The following SCFD2 variants were observed in gnomAD, a reference collection of about 807,000 sequenced individuals.
SCFD2 encodes sec1 family domain containing 2, also known as sec1 family domain-containing protein 2.
In SCFD2, 54 loss-of-function variants were observed where a neutral mutation model predicts 58.9. The observed-to-expected ratio is 0.92, with a 90% CI of 0.74 to 1.15. The LOEUF (loss-of-function observed/expected upper bound fraction) is 1.15, where lower values mean the gene tolerates loss of function less well. Among genes scored for constraint, SCFD2 ranks in the 50% most tolerant of loss-of-function variants. The pLI, the probability that SCFD2 is intolerant of heterozygous loss-of-function variation, is 0.00. For synonymous variants in SCFD2, 321 were observed against 335.9 expected, an observed-to-expected ratio of 0.96 and a Z score of 0.49; for missense variants, 805 against 836.6, an observed-to-expected ratio of 0.96 and a Z score of 0.47.
intron 5 of SCFD2, among the ~76,000 whole-genome samples, chr4:53,117,471 TC>T (rs1725356422): frequency 6.6e-6 from 1 of 152,122 alleles, no homozygotes; most frequent in Admixed American, 6.5e-5. Flanking sequence ...GTACAGGTGA[TC>T]AACACTATCT....
chr4:53,101,969 G>C (rs940779141), intron 5 of SCFD2, among the ~76,000 whole-genome samples: 1 of 152,132 alleles, frequency 6.6e-6, no homozygotes, highest in African/African-American at 2.4e-5. Flanking sequence ...TGAAAAGAAA[G>C]AGTTGTGAGG....
chr4:52,916,900 T>G (rs1303769342), intron 6 of SCFD2, among the ~76,000 whole-genome samples: 1 of 152,148 alleles, frequency 6.6e-6, no homozygotes, highest in African/African-American at 2.4e-5. Context: ...TCTAAGAAGT[T>G]TTTTGTTTTT....
At chr4:53,259,644 C>T (rs369987472) in intron 4 of SCFD2, among the ~76,000 whole-genome samples, 1 of 152,092 alleles carries the variant, frequency 6.6e-6, no homozygotes, top group Non-Finnish European at 1.5e-5. Flanking sequence ...AGTTTGAATT[C>T]GGGTAATGTG....
chr4:53,335,306 A>G (rs1733648505), intron 2 of SCFD2, among the ~76,000 whole-genome samples: 1 of 152,100 alleles, frequency 6.6e-6, no homozygotes, highest in South Asian at 2.1e-4. Context: ...GTGAGGAAAC[A>G]TTAAACAAAC....
chr4:53,133,327 C>CAAA (rs34787254), intron 5 of SCFD2, among the ~76,000 whole-genome samples: 145 of 83,182 alleles, frequency 1.7e-3, no homozygotes, highest in African/African-American at 6.1e-3. Context: ...GACTCCGTCT[C>CAAA]AAAAAAAAAA....
chr4:53,074,968 C>G lies in SCFD2; in HGVS notation c.1561+70365G>C, dbSNP rs142203282. Among the ~76,000 whole-genome samples the G allele has an allele frequency of 9.8e-5, 15 of 152,290 alleles. No individual in the cohort carries two copies. The East Asian group carries it at 1.9e-3, about 20-fold the overall frequency. Reference sequence around the variant, plus strand: ...CATCCTGTCCTTAAAAGCTTTGAGGCCAGGCATTGGTTTCTCTCTACCTAT... The same window carrying G: ...CATCCTGTCCTTAAAAGCTTTGAGGGCAGGCATTGGTTTCTCTCTACCTAT... On this transcript the variant is annotated intron_variant, in intron 5 of 8. Transcript: ENST00000401642.
chr4:53,246,707 T>C (rs753652962), intron 4 of SCFD2, among the ~76,000 whole-genome samples: 1 of 152,180 alleles, frequency 6.6e-6, no homozygotes, highest in Non-Finnish European at 1.5e-5. Flanking sequence ...GATTAAGGAC[T>C]TAATTAATTG....
chr4:53,217,813 C>G (rs1462063578), intron 4 of SCFD2, among the ~76,000 whole-genome samples: 6 of 152,148 alleles, frequency 3.9e-5, no homozygotes, highest in Non-Finnish European at 7.3e-5. Context: ...GTGCTTCCTT[C>G]AGGAGCTCTT....
intron 3 of SCFD2, among the ~76,000 whole-genome samples, chr4:53,301,697 C>G (rs924326568): frequency 1.1e-4 from 17 of 152,278 alleles, no homozygotes; most frequent in African/African-American, 3.4e-4. Flanking sequence ...ATGCAAAAAT[C>G]CTCAATAAAA....
chr4:52,967,296 C>A (rs1577866251), intron 5 of SCFD2, among the ~76,000 whole-genome samples: 1 of 152,276 alleles, frequency 6.6e-6, no homozygotes, highest in South Asian at 2.1e-4. Flanking sequence ...CCCCAGCTTG[C>A]CTCTAGTTCT....
At chr4:53,158,630 C>A (rs1726765756) in intron 4 of SCFD2, among the ~76,000 whole-genome samples, 1 of 152,184 alleles carries the variant, frequency 6.6e-6, no homozygotes, top group African/African-American at 2.4e-5. Flanking sequence ...TTACCATCAT[C>A]TCTAGCCACA....
chr4:53,032,883 A>G (rs114754618), intron 5 of SCFD2, among the ~76,000 whole-genome samples: 2 of 152,040 alleles, frequency 1.3e-5, no homozygotes, highest in African/African-American at 2.4e-5. Flanking sequence ...ACTTTAACAA[A>G]CCCTTGTCAA....
chr4:53,181,457 C>T (rs962427555), intron 4 of SCFD2, among the ~76,000 whole-genome samples: 2 of 152,104 alleles, frequency 1.3e-5, no homozygotes, highest in Non-Finnish European at 2.9e-5. Flanking sequence ...ATTCAACAAC[C>T]CTTCAGGCTA....
intron 4 of SCFD2, among the ~76,000 whole-genome samples, chr4:53,229,157 G>T (rs566364078): frequency 1.5e-4 from 23 of 152,284 alleles, no homozygotes; most frequent in African/African-American, 3.4e-4. Context: ...CATGCTCATG[G>T]CTAGGAAGAA....
chr4:53,068,031 C>T (rs183556099), intron 5 of SCFD2, among the ~76,000 whole-genome samples: 1 of 152,238 alleles, frequency 6.6e-6, no homozygotes, highest in Admixed American at 6.6e-5. Context: ...ACAGAATCAT[C>T]TTGCTTATAA....
In SCFD2 at chr4:53,273,715, C is replaced by T. The variant is rs551336556; in HGVS notation, c.1311+111G>A. ...GGCACTTAGAGAATATGAAGCAGGGCACATGTCAACAATATGATTTATTAC... is the reference window on the plus strand; with the variant it reads ...GGCACTTAGAGAATATGAAGCAGGGTACATGTCAACAATATGATTTATTAC... On this transcript the variant is annotated intron_variant, in intron 4 of 8. Transcript: ENST00000401642. 2.0e-5 allele frequency: 19 copies of T among 937,636 alleles called. No individual in the cohort carries two copies. In the African/African-American group the frequency reaches 3.2e-4, roughly 16 times the overall value. 58.1% of individuals were successfully genotyped at this position (937,636 alleles called of 1,614,324 possible).
At chr4:53,043,687 A>G (rs1012824867) in intron 5 of SCFD2, among the ~76,000 whole-genome samples, 8 of 152,166 alleles carry the variant, frequency 5.3e-5, no homozygotes, top group Non-Finnish European at 1.2e-4. Flanking sequence ...ATGTACTACA[A>G]GAAAAGACTT....
rs538354549 is a variant in SCFD2, at chr4:53,241,349, G to A, written c.1311+32477C>T. 2.6e-5 allele frequency among the ~76,000 whole-genome samples: 4 copies of A among 152,278 alleles called. No homozygotes were observed. The South Asian group carries it at 8.3e-4, about 32-fold the overall frequency. The stretch of plus-strand genomic sequence containing the variant: ...GCCATAGGAGACTTTAGCCCCCAAG[G>A]GAAGTGTCAGATCTGAACTCTGCAA... On this transcript the variant is annotated intron_variant, in intron 4 of 8. Coordinates refer to ENST00000401642, the MANE Select transcript of SCFD2 (RefSeq NM_152540.4).
In SCFD2 at chr4:53,298,772, G is replaced by T. The variant is rs186509682; in HGVS notation, c.1135+14864C>A. On this transcript the variant is annotated intron_variant, in intron 3 of 8. Transcript: ENST00000401642. ...CTTCCAGAGGAACGATCAGGCAGCA[G>T]CATTTGCAGTTCACCAATATCCGCT... Among the ~76,000 whole-genome samples, 13 of 152,272 alleles carry T rather than the reference G, an allele frequency of 8.5e-5. No individual in the cohort carries two copies. In the East Asian group the frequency reaches 2.5e-3, roughly 29 times the overall value.
Sources: gnomAD v4.1 joint callset for allele counts (sites outside exome capture counted in the v4.1 genomes callset) on GRCh38, gnomAD v4.1.1 for gene constraint, MANE v1.5 for transcripts, NCBI Gene and HGNC (gene_info 2026-07-23, HGNC 2026-07-21) for gene names.